Variants in PRKCE observed in about 807,000 individuals in gnomAD.
PRKCE encodes the protein protein kinase C epsilon type.
PRKCE carries 16 observed loss-of-function variants against 85.4 expected under a neutral mutation model. That is an observed-to-expected ratio of 0.19 (90% CI 0.13 to 0.28). The LOEUF is 0.28. Among genes scored for constraint, PRKCE ranks in the 10% least tolerant of loss-of-function variants. PRKCE has a pLI of 1.00. For missense variants in PRKCE, 573 were observed against 975.2 expected, an observed-to-expected ratio of 0.59 and a Z score of 5.49; for synonymous variants, 388 against 371.5, an observed-to-expected ratio of 1.04 and a Z score of -0.51.
At chr2:45,933,615 A>G (rs892910110) in intron 2 of PRKCE, among the ~76,000 whole-genome samples, 6 of 152,002 alleles carry the variant, frequency 3.9e-5, no homozygotes, top group East Asian at 1.9e-4. Flanking sequence ...CTGGGACTAC[A>G]GGTGCCCACC....
chr2:45,722,368 C>G (rs909300548), intron 1 of PRKCE, among the ~76,000 whole-genome samples: 2 of 152,134 alleles, frequency 1.3e-5, no homozygotes, highest in Non-Finnish European at 2.9e-5. Flanking sequence ...CATGTAGCCT[C>G]TGGACTCTCC....
At position 46,145,138 on chromosome 2, in the gene PRKCE, C is replaced by T. The variant is rs1485203859; in HGVS notation, c.1638C>T (p.Cys546=). The change falls in exon 12 of 15, where the codon TGC becomes TGT. Residue 546 remains cysteine (C), a synonymous_variant. Transcript: ENST00000306156. The surrounding 1 kb of genome is among the most constrained non-coding windows in gnomAD (Gnocchi z 4.6). ...DNILLDAEGH[C]KLADFGMCKE... ...TCCTTCTGGATGCAGAAGGTCACTGCAAGCTGGCTGACTTCGGGATGTGCA... is the reference window on the plus strand; with the variant it reads ...TCCTTCTGGATGCAGAAGGTCACTGTAAGCTGGCTGACTTCGGGATGTGCA... The T allele has an allele frequency of 1.1e-5, 18 of 1,599,752 alleles. No homozygotes were observed. The highest frequency in any genetic ancestry group is 1.4e-5 in the Non-Finnish European group (17 of 1,179,950).
At chr2:45,979,188 T>C (rs925980846) in intron 4 of PRKCE, among the ~76,000 whole-genome samples, 178 bp downstream of exon 4, 1 of 152,172 alleles carries the variant, frequency 6.6e-6, no homozygotes, top group African/African-American at 2.4e-5. Context: ...ATGGGAGGCA[T>C]TTGCAGGTGC....
At chr2:45,847,416 G>C (rs1253287912) in intron 2 of PRKCE, among the ~76,000 whole-genome samples, 1 of 152,196 alleles carries the variant, frequency 6.6e-6, no homozygotes, top group African/African-American at 2.4e-5. Flanking sequence ...CCTTTCAGAA[G>C]GGATATTTTA....
chr2:46,116,935 C>T (rs113003227), intron 11 of PRKCE, among the ~76,000 whole-genome samples: 29 of 152,242 alleles, frequency 1.9e-4, no homozygotes, highest in Admixed American at 5.9e-4. Context: ...GGTGGTTTCT[C>T]TTGCTATTGT....
rs1358422029 is a variant in PRKCE, at chr2:45,907,254, T to C, written c.412+64191T>C. On this transcript the variant is annotated intron_variant, in intron 2 of 14. Coordinates refer to ENST00000306156, the MANE Select transcript of PRKCE (RefSeq NM_005400.3). This position sits in a 1 kb window ranked among gnomAD's most constrained non-coding sequence, Gnocchi z 4.5. Reference sequence around the variant, plus strand: ...TGACTGAGAATAAAAAGATTTTAAGTGGACTGGCAGTTGGCAAAGGAAAAA... The same window carrying C: ...TGACTGAGAATAAAAAGATTTTAAGCGGACTGGCAGTTGGCAAAGGAAAAA... Among the ~76,000 whole-genome samples, 5 of 152,192 alleles carry C rather than the reference T, an allele frequency of 3.3e-5. No individual in the cohort carries two copies. The highest frequency in any genetic ancestry group is 7.4e-5 in the Non-Finnish European group (5 of 68,024).
intron 2 of PRKCE, among the ~76,000 whole-genome samples, chr2:45,957,469 CTA>C (rs1296653266): frequency 6.8e-6 from 1 of 147,508 alleles, no homozygotes; most frequent in African/African-American, 2.7e-5. Context: ...ATCTATTTGC[CTA>C]TGTGTTTGTT....
intron 2 of PRKCE, among the ~76,000 whole-genome samples, chr2:45,917,259 C>G (rs562641878): frequency 1.3e-5 from 2 of 152,084 alleles, no homozygotes; most frequent in African/African-American, 4.8e-5. Context: ...TCCAAGTCGC[C>G]GCCAGAGTAG....
chr2:46,079,625 C>T (rs761350536), intron 10 of PRKCE, among the ~76,000 whole-genome samples: 2 of 152,196 alleles, frequency 1.3e-5, no homozygotes, highest in African/African-American at 2.4e-5. Flanking sequence ...ATGGGCTGTT[C>T]CAAGCCTGGT....
chr2:45,849,867 T>C (rs1448041776), intron 2 of PRKCE, among the ~76,000 whole-genome samples: 2 of 152,172 alleles, frequency 1.3e-5, no homozygotes, highest in Non-Finnish European at 2.9e-5. Flanking sequence ...TTTGGCTCTA[T>C]TTTTGGTCCT....
chr2:46,172,381 GC>G (rs2104664727), intron 14 of PRKCE, among the ~76,000 whole-genome samples: 1 of 152,354 alleles, frequency 6.6e-6, no homozygotes, highest in African/African-American at 2.4e-5. Context: ...TAATCAGGTG[GC>G]CCCATGTGGC....
chr2:46,128,803 C>T (rs1015448702), intron 11 of PRKCE, among the ~76,000 whole-genome samples: 45 of 152,204 alleles, frequency 3.0e-4, no homozygotes, highest in African/African-American at 1.1e-3. Flanking sequence ...AGACCTTCTG[C>T]ACTGGAAATG....
chr2:46,179,033 G>A (rs1679708636), intron 14 of PRKCE, among the ~76,000 whole-genome samples: 1 of 152,152 alleles, frequency 6.6e-6, no homozygotes, highest in Non-Finnish European at 1.5e-5. Context: ...CACCCCATGA[G>A]GCAGAGGACC....
intron 1 of PRKCE, among the ~76,000 whole-genome samples, chr2:45,796,341 T>C (rs962331268): frequency 6.6e-6 from 1 of 152,192 alleles, no homozygotes; most frequent in Non-Finnish European, 1.5e-5. Flanking sequence ...ATGCATTAAT[T>C]TTCTCATGTG....
In PRKCE at chr2:46,061,859, C is replaced by CTTTTTCTTTT. The variant is rs1667165973; in HGVS notation, c.1438-24344_1438-24343insCTTTTTTTTT. Among the ~76,000 whole-genome samples the CTTTTTCTTTT allele has an allele frequency of 2.9e-3, 313 of 107,762 alleles. 8 individuals are homozygous for CTTTTTCTTTT. Among genetic ancestry groups the CTTTTTCTTTT allele is most frequent in the Middle Eastern group, 0.013 (2 of 156 alleles). 70.7% of individuals were successfully genotyped at this position (107,762 alleles called of 152,430 possible). On this transcript the variant is annotated intron_variant, in intron 10 of 14. Coordinates refer to ENST00000306156, the MANE Select transcript of PRKCE (RefSeq NM_005400.3). ...TTTTCTTTTCTTTTCTTTTCTTTTTCTTTTTTTTTTTTTTTTTTGCAACAG... is the reference window on the plus strand; with the variant it reads ...TTTTCTTTTCTTTTCTTTTCTTTTTCTTTTTCTTTTTTTTTTTTTTTTTTTTTTGCAACAG...
At chr2:45,758,650 G>A (rs1490354244) in intron 1 of PRKCE, among the ~76,000 whole-genome samples, 1 of 152,156 alleles carries the variant, frequency 6.6e-6, no homozygotes, top group African/African-American at 2.4e-5. Flanking sequence ...CCTAACATAG[G>A]TATGTATCTT....
At chr2:45,962,194 T>C (rs538269783) in intron 2 of PRKCE, among the ~76,000 whole-genome samples, 4 of 152,196 alleles carry the variant, frequency 2.6e-5, no homozygotes, top group Non-Finnish European at 5.9e-5. Context: ...GTCAGCAAGG[T>C]GTAGGATGGA....
At chr2:45,711,050 C>G (rs72884474) in intron 1 of PRKCE, among the ~76,000 whole-genome samples, 1 of 152,214 alleles carries the variant, frequency 6.6e-6, no homozygotes, top group Non-Finnish European at 1.5e-5. Context: ...CCCTGTCCCC[C>G]TCCCTGTGGT....
At chr2:45,870,090 A>G (rs949669035) in intron 2 of PRKCE, among the ~76,000 whole-genome samples, 2 of 152,156 alleles carry the variant, frequency 1.3e-5, no homozygotes, top group African/African-American at 4.8e-5. Context: ...CCTGCAAGCC[A>G]GGTCATTTGG....
Sources: allele counts gnomAD v4.1 joint callset (sites outside exome capture counted in the v4.1 genomes callset), GRCh38; gene constraint gnomAD v4.1.1; non-coding constraint Gnocchi (gnomAD v3.1); transcripts MANE v1.5; gene names NCBI Gene and HGNC (gene_info 2026-07-23, HGNC 2026-07-21).